RIMS2: variants seen among roughly 807,000 people sequenced by gnomAD.
RIMS2 encodes the protein regulating synaptic membrane exocytosis 2, also known as regulating synaptic membrane exocytosis protein 2.
RIMS2 carries 59 observed loss-of-function variants against 174.4 expected under a neutral mutation model. That is an observed-to-expected ratio of 0.34 (90% CI 0.27 to 0.42). The LOEUF (loss-of-function observed/expected upper bound fraction) is 0.42. Among genes scored for constraint, RIMS2 ranks in the 10% least tolerant of loss-of-function variants. RIMS2 has a pLI of 1.00. For synonymous variants in RIMS2, 606 were observed against 572.5 expected (o/e 1.06, Z -0.84); for missense variants, 1,620 against 1,666.3 (o/e 0.97, Z 0.48).
At position 104,075,747 on chromosome 8, in the gene RIMS2, A is replaced by G. The variant is rs74765977; in HGVS notation, c.3334+61132A>G. 4.1e-3 allele frequency among the ~76,000 whole-genome samples: 629 copies of G among 152,310 alleles called. 6 individuals carry two copies. Among genetic ancestry groups the G allele is most frequent in the Non-Finnish European group, 7.7e-3 (525 of 68,014 alleles). On this transcript the variant is annotated intron_variant, in intron 19 of 23. Coordinates refer to ENST00000504942, the Ensembl canonical transcript of RIMS2. Reference sequence around the variant, plus strand: ...GTGAACCTGCTGATATGGGAGCATAAGAGAAAAAAGGACAGCCTACATTAC... The same window carrying G: ...GTGAACCTGCTGATATGGGAGCATAGGAGAAAAAAGGACAGCCTACATTAC...
intron 19 of RIMS2, among the ~76,000 whole-genome samples, chr8:104,211,176 T>C (rs985672067): frequency 6.6e-6 from 1 of 152,118 alleles, no homozygotes; most frequent in African/African-American, 2.4e-5. Context: ...TTTTTTCTAA[T>C]AAAGGTTAGA....
intron 4 of RIMS2, among the ~76,000 whole-genome samples, chr8:103,890,282 T>G (rs2099235821): frequency 6.6e-6 from 1 of 151,972 alleles, no homozygotes; most frequent in Non-Finnish European, 1.5e-5. Context: ...ATGCTTAACT[T>G]GTTGAGATGT....
chr8:104,136,878 T>A (rs2098525252), intron 19 of RIMS2, among the ~76,000 whole-genome samples: 1 of 152,042 alleles, frequency 6.6e-6, no homozygotes, highest in African/African-American at 2.4e-5. Context: ...AATGAGATAA[T>A]CTGTGCAACA....
At chr8:104,062,570 TA>T (rs138512333) in intron 19 of RIMS2, among the ~76,000 whole-genome samples, 2,795 of 152,326 alleles carry the variant, frequency 0.018, 34 homozygotes, top group Non-Finnish European at 0.03. Flanking sequence ...TTGTTCTTTT[TA>T]TAGTATATCT....
chr8:103,835,103 C>CTTTTTTT (rs528538789), intron 3 of RIMS2, among the ~76,000 whole-genome samples: 1 of 130,798 alleles, frequency 7.6e-6, no homozygotes, highest in Non-Finnish European at 1.6e-5. Flanking sequence ...CTTTTCTTTT[C>CTTTTTTT]TTTTTTTTTT....
intron 6 of RIMS2, among the ~76,000 whole-genome samples, chr8:103,912,970 G>GTTTTTTT (rs1272975359): frequency 5.2e-5 from 6 of 114,904 alleles, no homozygotes; most frequent in Non-Finnish European, 8.8e-5. Flanking sequence ...TTTTTTTGTT[G>GTTTTTTT]TTTTTTTTTT....
At chr8:103,657,507 T>C (rs1264502231) in intron 1 of RIMS2, among the ~76,000 whole-genome samples, 1 of 152,218 alleles carries the variant, frequency 6.6e-6, no homozygotes, top group Non-Finnish European at 1.5e-5. Flanking sequence ...ACAGAAATTT[T>C]AGGATGCCAA....
intron 1 of RIMS2, among the ~76,000 whole-genome samples, chr8:103,653,687 A>T (rs563442493): frequency 2.0e-3 from 287 of 146,524 alleles, no homozygotes; most frequent in Non-Finnish European, 3.5e-3. Flanking sequence ...GTTGCTATTG[A>T]TGAGGATAAT....
intron 3 of RIMS2, among the ~76,000 whole-genome samples, chr8:103,864,347 G>C (rs571558484): frequency 3.9e-5 from 6 of 152,142 alleles, no homozygotes; most frequent in African/African-American, 1.4e-4. Flanking sequence ...TCTTTTTGCT[G>C]CATCACAGAG....
intron 1 of RIMS2, among the ~76,000 whole-genome samples, chr8:103,632,731 A>ATTTTTTTTTTTT (rs61579273): frequency 3.0e-4 from 21 of 70,404 alleles, no homozygotes; most frequent in East Asian, 9.1e-4. Flanking sequence ...ATATTTATTG[A>ATTTTTTTTTTTT]TTTTTTTTTT....
chr8:103,922,545 C>T (rs992831700), intron 10 of RIMS2: 5 of 270,630 alleles, frequency 1.8e-5, no homozygotes, highest in South Asian at 3.2e-5. Context: ...TTAATATTAC[C>T]AGTATTGTTG....
intron 2 of RIMS2, among the ~76,000 whole-genome samples, chr8:103,753,632 C>T (rs557521996): frequency 6.6e-6 from 1 of 152,282 alleles, no homozygotes; most frequent in South Asian, 2.1e-4. Context: ...TTCGGAGATT[C>T]ACCTTCTTCC....
chr8:103,877,958 G>A (rs751317955), intron 3 of RIMS2, among the ~76,000 whole-genome samples: 2 of 151,534 alleles, frequency 1.3e-5, no homozygotes, highest in Non-Finnish European at 3.0e-5. Context: ...CCTCTGATAT[G>A]GTTAGGCTTT....
At chr8:104,100,525 A>G (rs912871912) in intron 19 of RIMS2, among the ~76,000 whole-genome samples, 15 of 152,184 alleles carry the variant, frequency 9.9e-5, no homozygotes, top group African/African-American at 3.6e-4. Flanking sequence ...AGGCTCATGG[A>G]AAGTTCTTAA....
chr8:103,756,446 T>TTTTG (rs545060059), intron 2 of RIMS2, among the ~76,000 whole-genome samples: 21 of 145,484 alleles, frequency 1.4e-4, no homozygotes, highest in South Asian at 1.3e-3. Flanking sequence ...CTTTTTTTTT[T>TTTTG]TCTTTCTTAA....
At chr8:103,611,533 A>ATT (rs71575975) in intron 1 of RIMS2, among the ~76,000 whole-genome samples, 16,660 of 146,052 alleles carry the variant, frequency 0.11, 1,201 homozygotes, top group Non-Finnish European at 0.17. Context: ...GTTGGGAGGA[A>ATT]TTTTTTTTTT....
At chr8:103,536,073 G>A (rs1839626870) in intron 1 of RIMS2, among the ~76,000 whole-genome samples, 1 of 152,140 alleles carries the variant, frequency 6.6e-6, no homozygotes, top group Admixed American at 6.5e-5. Flanking sequence ...AGTAGTTTGG[G>A]TCACCTCTGA....
intron 19 of RIMS2, among the ~76,000 whole-genome samples, chr8:104,037,011 A>G (rs1017510185): frequency 7.2e-5 from 11 of 152,242 alleles, no homozygotes; most frequent in African/African-American, 2.7e-4. Context: ...GTAAATGTTC[A>G]GTAATTTTAT....
At chr8:103,597,381 C>T (rs2094519011) in intron 1 of RIMS2, among the ~76,000 whole-genome samples, 1 of 152,036 alleles carries the variant, frequency 6.6e-6, no homozygotes, top group African/African-American at 2.4e-5. Context: ...TTCTGTTGGC[C>T]TTGTTTCCTC....
Sources: gnomAD v4.1 joint callset for allele counts (sites outside exome capture counted in the v4.1 genomes callset) on GRCh38, gnomAD v4.1.1 for gene constraint, MANE v1.5 for transcripts, NCBI Gene and HGNC (gene_info 2026-07-23, HGNC 2026-07-21) for gene names.